Variants in FRMPD4 observed in about 807,000 individuals in gnomAD.
FRMPD4 encodes the protein FERM and PDZ domain containing 4.
Under a neutral mutation model 94.1 loss-of-function variants are expected in FRMPD4, and 22 were observed. That is an observed-to-expected ratio of 0.23 (90% CI 0.17 to 0.33). FRMPD4 has a LOEUF of 0.33. Ranked by LOEUF, FRMPD4 falls within the 10% of genes least tolerant of loss-of-function variation. The probability of loss-of-function intolerance (pLI) is 1.00; values close to 1 mark genes in which losing one functional copy is unlikely to be tolerated. For synonymous variants in FRMPD4, 631 were observed against 548.6 expected (o/e 1.15, Z -2.10); for missense variants, 1,111 against 1,339.9 (o/e 0.83, Z 2.67).
At chrX:12,593,902 A>G (rs2059005230) in intron 2 of FRMPD4, among the ~76,000 whole-genome samples, 1 of 111,901 alleles carries the variant, frequency 8.9e-6, no homozygotes, top group South Asian at 3.7e-4. Context: ...AACAGGTTGC[A>G]GAAACTTACA....
At chrX:12,575,195 T>C (rs746745175) in intron 2 of FRMPD4, among the ~76,000 whole-genome samples, 1 of 112,034 alleles carries the variant, frequency 8.9e-6, no homozygotes, top group South Asian at 3.8e-4. Flanking sequence ...ATCCTGAACA[T>C]CATAATTTAT....
chrX:11,911,017 A>C (rs1279629283), intron 3 of FRMPD4, among the ~76,000 whole-genome samples: 1 of 110,869 alleles, frequency 9.0e-6, no homozygotes, highest in Non-Finnish European at 1.9e-5. Flanking sequence ...CCATATATTG[A>C]GCTCATTGTT....
intron 4 of FRMPD4, among the ~76,000 whole-genome samples, chrX:12,670,449 C>T (rs922332212): frequency 3.6e-5 from 4 of 111,852 alleles, no homozygotes; most frequent in Non-Finnish European, 7.5e-5. Context: ...ACATCTACAA[C>T]CATCTGATCT....
At chrX:12,324,650 T>C (rs776111140) in intron 1 of FRMPD4, among the ~76,000 whole-genome samples, 18 of 112,369 alleles carry the variant, frequency 1.6e-4, no homozygotes, top group Non-Finnish European at 3.2e-4. Context: ...TTTCATGCCT[T>C]ATGTTCTCAA....
rs191930548 is a variant in FRMPD4 at position 12,673,476 on chromosome X, G to C, written c.423-1387G>C. Among the ~76,000 whole-genome samples, 197 of 111,588 alleles carry C rather than the reference G, an allele frequency of 1.8e-3. 1 individual carries two copies. The highest frequency in any genetic ancestry group is 6.1e-3 in the African/African-American group (186 of 30,735). On this transcript the variant is annotated intron_variant, in intron 4 of 16. Transcript: ENST00000675598. ...TAAAGGCTAGCAGCAGAATTTTTGGGGGGATATAAAACCAGAGTTGACTGG... is the reference window on the plus strand; with the variant it reads ...TAAAGGCTAGCAGCAGAATTTTTGGCGGGATATAAAACCAGAGTTGACTGG...
chrX:12,679,209 A>G (rs2059937197), intron 5 of FRMPD4, among the ~76,000 whole-genome samples: 1 of 112,554 alleles, frequency 8.9e-6, no homozygotes, highest in Non-Finnish European at 1.9e-5. Context: ...GTGCTGAGGA[A>G]TTATCATTCC....
rs925137325 is a variant in FRMPD4 at position 12,722,214 on chromosome X, A to T, written c.*356A>T. The stretch of plus-strand genomic sequence containing the variant: ...TTCCAAGTAGCTACTTGGAAACCAT[A>T]TCATTCATATTTAGAAGTAAAACAC... On this transcript the variant is annotated 3_prime_UTR_variant, in exon 17 of 17. Coordinates refer to ENST00000675598, the MANE Select transcript of FRMPD4 (RefSeq NM_001368397.1). 7 of 111,146 alleles carry T rather than the reference A, an allele frequency of 6.3e-5. No homozygotes were observed. In the Admixed American group the frequency reaches 6.7e-4, roughly 11 times the overall value. 9.2% of individuals were successfully genotyped at this position (111,146 alleles called of 1,213,427 possible). A position where few individuals can be genotyped will look rare whatever the true frequency, so the allele number is the denominator to read the frequency against.
intron 3 of FRMPD4, among the ~76,000 whole-genome samples, chrX:12,043,861 A>T (rs1045798518): frequency 3.6e-5 from 4 of 111,638 alleles, no homozygotes; most frequent in East Asian, 5.6e-4. Context: ...CATTTTGAAA[A>T]TTCACTGCAG....
intron 1 of FRMPD4, among the ~76,000 whole-genome samples, chrX:12,193,525 G>A (rs1369376046): frequency 2.8e-5 from 3 of 107,195 alleles, no homozygotes; most frequent in Admixed American, 1.0e-4. Flanking sequence ...GGATACTTTC[G>A]AGATTGAGTG....
At chrX:11,837,557 A>G (rs755679801) in intron 1 of FRMPD4, among the ~76,000 whole-genome samples, 25 of 111,753 alleles carry the variant, frequency 2.2e-4, no homozygotes, top group Non-Finnish European at 2.5e-4. Flanking sequence ...TTTATCAAGA[A>G]TAATAGAGGG....
intron 1 of FRMPD4, among the ~76,000 whole-genome samples, chrX:12,276,918 G>A (rs774424133): frequency 0.01 from 1,106 of 109,680 alleles, 12 homozygotes; most frequent in African/African-American, 0.035. Context: ...TCAGGAGATC[G>A]AGACCATCCC....
chrX:12,704,278 A>G (rs2041838232), intron 10 of FRMPD4, 81 bp from the exon 11 acceptor site: 1 of 762,329 alleles, frequency 1.3e-6, no homozygotes, highest in East Asian at 3.4e-5. Flanking sequence ...CATTTGTTCC[A>G]ACAAACATCA....
At chrX:12,042,575 G>A (rs1346696788) in intron 3 of FRMPD4, among the ~76,000 whole-genome samples, 2 of 111,769 alleles carry the variant, frequency 1.8e-5, no homozygotes, top group African/African-American at 3.3e-5. Flanking sequence ...CTCACACTCT[G>A]TCAGTGAATT....
At chrX:11,830,102 G>A (rs2053466772) in intron 1 of FRMPD4, among the ~76,000 whole-genome samples, 1 of 111,491 alleles carries the variant, frequency 9.0e-6, no homozygotes, top group Admixed American at 9.5e-5. Flanking sequence ...GTTTTAGAAC[G>A]CTTAAGAATG....
In FRMPD4 at chrX:12,382,530, G is replaced by GCATAGCATAGAGCATAGCATAGCAT. The variant is rs60602906; in HGVS notation, c.42-116150_42-116149insCATAGCATAGAGCATAGCATAGCAT. Among the ~76,000 whole-genome samples the GCATAGCATAGAGCATAGCATAGCAT allele has an allele frequency of 3.9e-4, 18 of 45,575 alleles. No homozygotes were observed. In the South Asian group the frequency reaches 4.2e-3, roughly 11 times the overall value. The allele number at this position is 45,575 out of a possible 115,157, so 39.6% of individuals were successfully genotyped here. ...GCATAGCATAGCATAGCATAGCATA[G>GCATAGCATAGAGCATAGCATAGCAT]AGCATAGCATAGCATAGCATAGCAT... is the stretch of plus-strand genomic sequence containing the variant. On this transcript the variant is annotated intron_variant, in intron 1 of 16. Coordinates refer to ENST00000675598, the MANE Select transcript of FRMPD4 (RefSeq NM_001368397.1).
At chrX:12,529,216 A>T (rs1176143217) in intron 2 of FRMPD4, among the ~76,000 whole-genome samples, 1 of 112,561 alleles carries the variant, frequency 8.9e-6, no homozygotes, top group Non-Finnish European at 1.9e-5. Flanking sequence ...AGGTCGTTGG[A>T]CTAAGGGTCT....
At chrX:12,419,949 T>C (rs1476321403) in intron 1 of FRMPD4, among the ~76,000 whole-genome samples, 1 of 111,530 alleles carries the variant, frequency 9.0e-6, no homozygotes. Flanking sequence ...CCATGCTTCT[T>C]TGTTTTCCGT....
At chrX:12,401,722 T>C (rs747351758) in intron 1 of FRMPD4, among the ~76,000 whole-genome samples, 6 of 112,145 alleles carry the variant, frequency 5.4e-5, no homozygotes, top group Admixed American at 4.7e-4. Context: ...AGAGACATAA[T>C]AATAATTTAC....
rs773876781 is a variant in FRMPD4 at position 12,107,180 on chromosome X, G to A, written c.95+229162G>A. ...GGGCAGACTGACACCTCACATGGCC[G>A]GGTACCCCTCTAAGTTGAAGCTTCC... On this transcript the variant is annotated intron_variant, in intron 3 of 18. Transcript: ENST00000640291. Among the ~76,000 whole-genome samples the A allele has an allele frequency of 3.7e-4, 41 of 111,724 alleles. No individual in the cohort carries two copies. In the Middle Eastern group the frequency reaches 0.014, roughly 38 times the overall value.
Sources: allele counts gnomAD v4.1 joint callset (sites outside exome capture counted in the v4.1 genomes callset), GRCh38; gene constraint gnomAD v4.1.1; transcripts MANE v1.5; gene names NCBI Gene and HGNC (gene_info 2026-07-23, HGNC 2026-07-21).